Variants in ARHGAP11B observed in about 807,000 individuals in gnomAD.
ARHGAP11B encodes the protein inactive Rho GTPase-activating protein 11B.
In ARHGAP11B, 14 loss-of-function variants were observed where a neutral mutation model predicts 27.6. The observed-to-expected ratio is 0.51, with a 90% CI of 0.34 to 0.79. ARHGAP11B has a LOEUF of 0.79. Among genes scored for constraint, ARHGAP11B ranks in the 30% least tolerant of loss-of-function variants. The pLI is 0.02. For missense variants in ARHGAP11B, 245 were observed against 320.1 expected (o/e 0.77, Z 1.79); for synonymous variants, 82 against 114.1 (o/e 0.72, Z 1.80).
At chr15:30,645,792 C>T (rs548567308) in intron 8 of ARHGAP11B, among the ~76,000 whole-genome samples, 5 of 151,962 alleles carry the variant, frequency 3.3e-5, no homozygotes, top group African/African-American at 7.2e-5. Flanking sequence ...TACAAAGGCT[C>T]TTTTGTCTTT....
At chr15:30,639,066 T>C (rs2060299650) in intron 7 of ARHGAP11B, among the ~76,000 whole-genome samples, 1 of 152,000 alleles carries the variant, frequency 6.6e-6, no homozygotes, top group Non-Finnish European at 1.5e-5. Flanking sequence ...TTCTTAATCA[T>C]GCTTTTCTGT....
At position 30,633,171 on chromosome 15, in the gene ARHGAP11B, T is replaced by A. The variant is rs557933492; in HGVS notation, c.201-319T>A. Among the ~76,000 whole-genome samples the A allele has an allele frequency of 2.0e-5, 3 of 148,258 alleles. No individual in the cohort carries two copies. The East Asian group carries it at 6.0e-4, about 29-fold the overall frequency. On this transcript the variant is annotated intron_variant, in intron 2 of 10. Coordinates refer to ENST00000428041, the Ensembl canonical transcript of ARHGAP11B. ...ATGAGAATGATTGGATAGGGGTGAG[T>A]AGAGACTGAGATATGAAGAAGTAGA... is the stretch of plus-strand genomic sequence containing the variant.
intron 7 of ARHGAP11B, among the ~76,000 whole-genome samples, chr15:30,640,806 T>C (rs987636033): frequency 1.1e-4 from 16 of 152,028 alleles, no homozygotes; most frequent in African/African-American, 3.6e-4. Flanking sequence ...CTAGGGCTCA[T>C]TGAAATGTGA....
chr15:30,629,559 A>G (rs893765417), intron 1 of ARHGAP11B, among the ~76,000 whole-genome samples: 5 of 152,062 alleles, frequency 3.3e-5, no homozygotes, highest in Non-Finnish European at 2.9e-5. Flanking sequence ...TCTCAAAAAA[A>G]ATACACCTGT....
intron 4 of ARHGAP11B, among the ~76,000 whole-genome samples, chr15:30,634,684 G>T (rs917324234): frequency 2.0e-4 from 30 of 151,746 alleles, no homozygotes; most frequent in Non-Finnish European, 4.0e-4. Flanking sequence ...GAAAGCCTTT[G>T]TTTACTGGGT....
At chr15:30,633,839 TAA>T (rs1284834549) in intron 3 of ARHGAP11B, among the ~76,000 whole-genome samples, 1 of 151,880 alleles carries the variant, frequency 6.6e-6, no homozygotes, top group Non-Finnish European at 1.5e-5. Context: ...AAAAATGTGT[TAA>T]GTTATATTGT....
chr15:30,628,094 T>G (rs1356428300), intron 1 of ARHGAP11B, among the ~76,000 whole-genome samples: 5 of 146,454 alleles, frequency 3.4e-5, no homozygotes, highest in Admixed American at 6.8e-5. Context: ...TTTTTTTTTG[T>G]TTTTGAGATG....
At chr15:30,644,619 T>G (rs2060335309) in intron 7 of ARHGAP11B, 1 of 1,521,612 alleles carries the variant, frequency 6.6e-7, no homozygotes, top group Non-Finnish European at 9.1e-7. Flanking sequence ...CTCAAAAGGT[T>G]TTATTTTTTT....
intron 6 of ARHGAP11B, 96 bp from the exon 7 acceptor site, chr15:30,638,650 A>G (rs2060296462): frequency 1.5e-6 from 1 of 651,168 alleles, no homozygotes; most frequent in East Asian, 3.5e-5. Flanking sequence ...GCCGATGTAA[A>G]GTTACATGTT....
chr15:30,640,659 A>T, intron 7 of ARHGAP11B, among the ~76,000 whole-genome samples: 1 of 151,988 alleles, frequency 6.6e-6, no homozygotes, highest in South Asian at 2.1e-4. Flanking sequence ...TTGATTCATT[A>T]TCTGAGTTAT....
intron 7 of ARHGAP11B, among the ~76,000 whole-genome samples, chr15:30,643,848 G>C (rs1406561695): frequency 1.3e-5 from 2 of 152,022 alleles, no homozygotes; most frequent in Non-Finnish European, 2.9e-5. Flanking sequence ...CAGAAGTTAG[G>C]TATAGAAATG....
Position 30,626,594 on chromosome 15 carries a change from G to A in ARHGAP11B, c.-227G>A, listed in dbSNP as rs556130093. 13 of 586,818 alleles carry A rather than the reference G, an allele frequency of 2.2e-5. No homozygotes were observed. The East Asian group carries it at 3.3e-4, about 15-fold the overall frequency. The allele number at this position is 586,818 out of a possible 1,614,324, so 36.4% of individuals were successfully genotyped here. A position where few individuals can be genotyped will look rare whatever the true frequency, so the allele number is the denominator to read the frequency against. On this transcript the variant is annotated 5_prime_UTR_variant, in exon 1 of 11. In the 5' UTR this introduces an upstream ATG that the reference lacks. Coordinates refer to ENST00000428041, the Ensembl canonical transcript of ARHGAP11B. ...GCTGTAAGTGAAGGAAGAGTGAGGT[G>A]TGGCTGGATCAAAGGGCTAAGAGAA...
chr15:30,637,406 T>G (rs2060286533), intron 6 of ARHGAP11B, among the ~76,000 whole-genome samples: 1 of 152,144 alleles, frequency 6.6e-6, no homozygotes, highest in African/African-American at 2.4e-5. Flanking sequence ...TCATATAAGA[T>G]TCTATCTCCA....
In ARHGAP11B at chr15:30,644,249, T is replaced by G. The variant is rs138123748; in HGVS notation, c.*79-390T>G. On this transcript the variant is annotated intron_variant, in intron 7 of 10. Transcript: ENST00000428041. ...ATCTTCCCAACCAGAATGTCAGCTCTCTGAAAATAGGATTGTGTCTTTTAT... is the reference window on the plus strand; with the variant it reads ...ATCTTCCCAACCAGAATGTCAGCTCGCTGAAAATAGGATTGTGTCTTTTAT... Among the ~76,000 whole-genome samples the G allele has an allele frequency of 6.9e-4, 105 of 152,224 alleles. 1 individual carries two copies. Among genetic ancestry groups the G allele is most frequent in the East Asian group, 4.3e-3 (22 of 5,164 alleles).
exon 11 of ARHGAP11B, among the ~76,000 whole-genome samples, chr15:30,648,575 T>A (rs1295297450): frequency 6.6e-6 from 1 of 152,052 alleles, no homozygotes; most frequent in Non-Finnish European, 1.5e-5. Context: ...CTTCATAGAT[T>A]TTTGTAATTA....
chr15:30,640,762 G>A (rs1007082958), intron 7 of ARHGAP11B, among the ~76,000 whole-genome samples: 1 of 151,810 alleles, frequency 6.6e-6, no homozygotes, highest in Non-Finnish European at 1.5e-5. Flanking sequence ...AGCAACTTGA[G>A]GTTTTCCAGA....
chr15:30,629,365 AC>A (rs35981302), intron 1 of ARHGAP11B, among the ~76,000 whole-genome samples: 76,289 of 150,562 alleles, frequency 0.51, 20,132 homozygotes, highest in African/African-American at 0.56. Context: ...AACACGGTGA[AC>A]CCCCCCCGCC....
chr15:30,646,351 A>G (rs2060347869), intron 9 of ARHGAP11B: 1 of 366,368 alleles, frequency 2.7e-6, no homozygotes, highest in South Asian at 9.8e-5. Context: ...TAGAGGCTCA[A>G]ACAAGTGCTA....
chr15:30,627,231 G>C (rs2060215338), intron 1 of ARHGAP11B, among the ~76,000 whole-genome samples: 1 of 151,926 alleles, frequency 6.6e-6, no homozygotes, highest in South Asian at 2.1e-4. Flanking sequence ...ACGAAATGCT[G>C]TTCTGTGAAT....
Sources: allele counts gnomAD v4.1 joint callset (sites outside exome capture counted in the v4.1 genomes callset), GRCh38; gene constraint gnomAD v4.1.1; transcripts MANE v1.5; gene names NCBI Gene and HGNC (gene_info 2026-07-23, HGNC 2026-07-21).